EIF4G3: variants seen among roughly 807,000 people sequenced by gnomAD.
The protein encoded by EIF4G3 is eIF-4-gamma 3.
A neutral mutation model predicts 186.4 loss-of-function variants in EIF4G3; 34 were observed. That is an observed-to-expected ratio of 0.18 (90% confidence interval 0.14 to 0.24). EIF4G3 has a LOEUF of 0.24. Among genes scored for constraint, EIF4G3 ranks in the 10% least tolerant of loss-of-function variants. EIF4G3 has a pLI of 1.00. For synonymous variants in EIF4G3, 673 were observed against 679.5 expected (o/e 0.99, Z 0.15); for missense variants, 1,536 against 1,948.5 (o/e 0.79, Z 3.99).
At chr1:21,114,632 T>C (rs994370809) in intron 2 of EIF4G3, among the ~76,000 whole-genome samples, 6 of 152,216 alleles carry the variant, frequency 3.9e-5, no homozygotes, top group South Asian at 2.1e-4. Flanking sequence ...TGGACAATTA[T>C]GCAACAGAAC....
rs548299360 is a variant in EIF4G3 at position 21,175,873 on chromosome 1, G to T, written c.-272+302C>A. ...CACCAAGCAAATTCTGCCCAATAAA[G>T]GGGGGGAGGGTACCTTAGGGGAGGA... On this transcript the variant is annotated intron_variant, in intron 2 of 36. Coordinates refer to ENST00000602326, the MANE Select transcript of EIF4G3 (RefSeq NM_001391906.1). The T allele has an allele frequency of 2.2e-3, 370 of 166,314 alleles. 3 individuals carry two copies. Among genetic ancestry groups the T allele is most frequent in the Non-Finnish European group, 1.7e-3 (131 of 77,714 alleles). The allele number at this position is 166,314 out of a possible 1,614,324, so 10.3% of individuals were successfully genotyped here.
chr1:20,997,914 AT>A (rs1316827721), intron 6 of EIF4G3, among the ~76,000 whole-genome samples: 3 of 125,408 alleles, frequency 2.4e-5, no homozygotes, highest in African/African-American at 8.4e-5. Context: ...TGATAGGATT[AT>A]TTAAAAAAAA....
At chr1:20,938,210 G>C (rs2095582750) in intron 14 of EIF4G3, among the ~76,000 whole-genome samples, 1 of 152,090 alleles carries the variant, frequency 6.6e-6, no homozygotes, top group Non-Finnish European at 1.5e-5. Flanking sequence ...GGCCAGGCTG[G>C]TCCCAAACTC....
Position 20,893,606 on chromosome 1 carries a change from G to C in EIF4G3, c.2164C>G (p.Leu722Val). ...CCTCGAGGCAAAATTCGAGGATCCA[G>C]AGTTCGCATTGGCAATTTGGGTTGG... ...INQPKLPMRT[L>V]DPRILPRGPD... Residue 722 changes from leucine to valine, a missense_variant, in exon 18 of 37, where the codon CTG (leucine) becomes GTG (valine). Coordinates refer to ENST00000602326, the MANE Select transcript of EIF4G3 (RefSeq NM_001391906.1). 1.3e-6 allele frequency: 2 copies of C among 1,585,162 alleles called. No individual in the cohort carries two copies. Among genetic ancestry groups the C allele is most frequent in the Non-Finnish European group, 1.7e-6 (2 of 1,158,190 alleles).
intron 12 of EIF4G3, among the ~76,000 whole-genome samples, chr1:20,969,187 A>G (rs1378917164): frequency 6.6e-6 from 1 of 152,256 alleles, no homozygotes; most frequent in African/African-American, 2.4e-5. Context: ...TTTCTACAAG[A>G]ATGCAGCTCC....
intron 34 of EIF4G3, among the ~76,000 whole-genome samples, chr1:20,815,283 A>C (rs2060293289): frequency 2.5e-5 from 2 of 80,270 alleles, no homozygotes; most frequent in South Asian, 6.8e-4. Flanking sequence ...CTGGCTGCCC[A>C]GTCTGGAAAG....
intron 19 of EIF4G3, among the ~76,000 whole-genome samples, chr1:20,882,605 A>AG (rs1341366501): frequency 2.7e-5 from 4 of 150,526 alleles, no homozygotes; most frequent in Non-Finnish European, 5.9e-5. Context: ...AGGGCGACAC[A>AG]GTGAGACTCC....
At chr1:20,996,227 C>T (rs902534682) in intron 7 of EIF4G3, among the ~76,000 whole-genome samples, 1 of 152,100 alleles carries the variant, frequency 6.6e-6, no homozygotes, top group Non-Finnish European at 1.5e-5. Flanking sequence ...TTACTGTCTC[C>T]GTTTTACAGG....
chr1:21,086,468 C>G (rs368168813), intron 3 of EIF4G3, among the ~76,000 whole-genome samples: 1 of 152,200 alleles, frequency 6.6e-6, no homozygotes, highest in South Asian at 2.1e-4. Context: ...CTGGCCATTC[C>G]ATTAACCACG....
chr1:21,093,161 G>A (rs2096256559), intron 2 of EIF4G3, among the ~76,000 whole-genome samples: 1 of 152,096 alleles, frequency 6.6e-6, no homozygotes, highest in African/African-American at 2.4e-5. Flanking sequence ...GAGTGAACAG[G>A]CAACCTACAG....
At chr1:21,082,719 T>C (rs760830567) in intron 3 of EIF4G3, among the ~76,000 whole-genome samples, 17 of 152,004 alleles carry the variant, frequency 1.1e-4, no homozygotes, top group Non-Finnish European at 1.8e-4. Context: ...CTGGGCAACA[T>C]AGCAAGGCTC....
intron 14 of EIF4G3, among the ~76,000 whole-genome samples, chr1:20,926,541 C>T (rs2094902012): frequency 6.6e-6 from 1 of 152,062 alleles, no homozygotes; most frequent in Non-Finnish European, 1.5e-5. Flanking sequence ...TGTGGTGTCA[C>T]GCATCTGTGG....
chr1:20,964,126 G>T (rs2074087961), intron 12 of EIF4G3, among the ~76,000 whole-genome samples: 1 of 152,130 alleles, frequency 6.6e-6, no homozygotes, highest in South Asian at 2.1e-4. Flanking sequence ...GGAGTTGAGA[G>T]ATTTGATACT....
intron 3 of EIF4G3, among the ~76,000 whole-genome samples, chr1:21,061,484 A>C (rs1312941872): frequency 6.6e-6 from 1 of 152,224 alleles, no homozygotes; most frequent in Non-Finnish European, 1.5e-5. Context: ...TGAATACATG[A>C]ATCTAAGCTC....
chr1:21,073,542 T>G (rs1035513675), intron 3 of EIF4G3: 2 of 391,376 alleles, frequency 5.1e-6, no homozygotes, highest in Non-Finnish European at 1.0e-5. Flanking sequence ...TGAATACATT[T>G]CATGGTTCAG....
At chr1:21,007,874 G>T (rs868236318) in intron 4 of EIF4G3, among the ~76,000 whole-genome samples, 2 of 152,020 alleles carry the variant, frequency 1.3e-5, no homozygotes, top group African/African-American at 4.8e-5. Flanking sequence ...CAACTTATAG[G>T]TTTTATTTTA....
chr1:21,030,132 C>T (rs917286463), intron 4 of EIF4G3, among the ~76,000 whole-genome samples: 6 of 152,274 alleles, frequency 3.9e-5, no homozygotes, highest in Middle Eastern at 6.8e-3. Context: ...CCTCAACCTC[C>T]CAAAGTGCTG....
intron 14 of EIF4G3, among the ~76,000 whole-genome samples, chr1:20,924,720 C>T (rs923605511): frequency 6.6e-6 from 1 of 152,182 alleles, no homozygotes; most frequent in Admixed American, 6.5e-5. Context: ...CACTACCACA[C>T]CTGGCTAACT....
At chr1:21,087,280 C>T (rs1316459277) in intron 3 of EIF4G3, among the ~76,000 whole-genome samples, 1 of 152,122 alleles carries the variant, frequency 6.6e-6, no homozygotes, top group East Asian at 1.9e-4. Context: ...CTGTAAAACA[C>T]CTAAAATTTA....
Sources: allele counts gnomAD v4.1 joint callset (sites outside exome capture counted in the v4.1 genomes callset), GRCh38; gene constraint gnomAD v4.1.1; transcripts MANE v1.5; gene names NCBI Gene and HGNC (gene_info 2026-07-23, HGNC 2026-07-21).